Variants in MED8 observed in about 807,000 individuals in gnomAD.
The protein encoded by MED8 is mediator of RNA polymerase II transcription subunit 8.
Under a neutral mutation model 34.8 loss-of-function variants are expected in MED8, and 22 were observed. That is an observed-to-expected ratio of 0.63 (90% CI 0.45 to 0.90). MED8 has a LOEUF of 0.90. MED8 is among the 40% of genes least tolerant of loss of function. MED8 has a pLI of 0.00. For missense variants in MED8, 260 were observed against 326.3 expected (o/e 0.80, Z 1.57); for synonymous variants, 105 against 120.2 (o/e 0.87, Z 0.83).
At position 43,386,843 on chromosome 1, in the gene MED8, G is replaced by A; in HGVS notation, c.411+15C>T. 6.2e-7 allele frequency: 1 copy of A among 1,613,788 alleles called. No homozygotes were observed. The highest frequency in any genetic ancestry group is 8.5e-7 in the Non-Finnish European group (1 of 1,179,774). ...GGGATGGGGATGGGGCAGCAAGGCA[G>A]TGACTCAGTCCAACCTGGGCTGCAT... is the stretch of plus-strand genomic sequence containing the variant. On this transcript the variant is annotated intron_variant, in intron 4 of 6. Coordinates refer to ENST00000372457, the MANE Select transcript of MED8 (RefSeq NM_201542.5). The surrounding 1 kb of genome is among the most constrained non-coding windows in gnomAD (Gnocchi z 4.9).
chr1:43,384,183 C>T lies in MED8; in HGVS notation c.*859G>A, dbSNP rs1159298367. The T allele has an allele frequency of 9.4e-6, 3 of 318,356 alleles. No individual in the cohort carries two copies. The highest frequency in any genetic ancestry group is 6.5e-5 in the African/African-American group (3 of 46,500). The allele number at this position is 318,356 out of a possible 1,614,324, so 19.7% of individuals were successfully genotyped here. Reference sequence around the variant, plus strand: ...TCCTGGCCAAAGTCGAGAAAGTGGGCACCATTATGAGGTCAACTAAACCCT... The same window carrying T: ...TCCTGGCCAAAGTCGAGAAAGTGGGTACCATTATGAGGTCAACTAAACCCT... On this transcript the variant is annotated 3_prime_UTR_variant, in exon 7 of 7. Transcript: ENST00000372457.
intron 6 of MED8, chr1:43,385,655 G>C (rs552083438): frequency 4.4e-5 from 15 of 342,956 alleles, no homozygotes; most frequent in African/African-American, 3.0e-4. Context: ...TCTGACTGCT[G>C]ATTTCTCTAC....
At chr1:43,387,360 G>T in intron 3 of MED8, 143 bp downstream of exon 3, 1 of 1,070,912 alleles carries the variant, frequency 9.3e-7, no homozygotes, top group African/African-American at 1.6e-5. Flanking sequence ...ATTTGGGAGT[G>T]GCTCTCCCGC....
chr1:43,385,258 T>C (rs1177711653), intron 6 of MED8, 152 bp from the exon 7 acceptor site: 3 of 985,938 alleles, frequency 3.0e-6, no homozygotes, highest in African/African-American at 3.3e-5. Flanking sequence ...AGAAGTATGA[T>C]TCTTCACCCA....
Position 43,384,409 on chromosome 1 carries a change from G to T in MED8, c.*633C>A. The stretch of plus-strand genomic sequence containing the variant: ...TGACTATTTGACAGGTAAAAGCCAA[G>T]TTGGCTCCTTAGAGGATGGAAAGGA... On this transcript the variant is annotated 3_prime_UTR_variant, in exon 7 of 7. Transcript: ENST00000372457. 1 of 1,553,356 alleles carries T rather than the reference G, an allele frequency of 6.4e-7. No homozygotes were observed. The highest frequency in any genetic ancestry group is 1.4e-5 in the African/African-American group (1 of 72,732).
At chr1:43,385,660 C>G in intron 6 of MED8, 1 of 349,584 alleles carries the variant, frequency 2.9e-6, no homozygotes, top group Non-Finnish European at 5.3e-6. Context: ...CTGCTGATTT[C>G]TCTACCTAAC....
chr1:43,385,220 C>T (rs1007551520), intron 6 of MED8, 114 bp from the exon 7 acceptor site: 21 of 1,343,032 alleles, frequency 1.6e-5, no homozygotes, highest in Middle Eastern at 1.8e-4. Flanking sequence ...AGAACCTCTG[C>T]GGCATCTGAC....
chr1:43,384,990 TC>T lies in MED8; in HGVS notation c.*51del. 1 of 1,534,864 alleles carries T rather than the reference TC, an allele frequency of 6.5e-7. No individual in the cohort carries two copies. The highest frequency in any genetic ancestry group is 2.2e-5 in the Admixed American group (1 of 45,728). On this transcript the variant is annotated 3_prime_UTR_variant, in exon 7 of 7. Coordinates refer to ENST00000372457, the MANE Select transcript of MED8 (RefSeq NM_201542.5). ...GGTGAGCCTTGAGCAAAAGGTAATTTCACTGCCCAACTCTGCAAAGAGCACC... is the reference window on the plus strand; with the variant it reads ...GGTGAGCCTTGAGCAAAAGGTAATTTACTGCCCAACTCTGCAAAGAGCACC...
At chr1:43,387,247 G>A (rs999637802) in intron 3 of MED8, among the ~76,000 whole-genome samples, 2 of 152,128 alleles carry the variant, frequency 1.3e-5, no homozygotes, top group African/African-American at 2.4e-5. Flanking sequence ...TCAAAGACTG[G>A]AATAGACAAA....
intron 6 of MED8, chr1:43,385,679 C>A (rs372717547): frequency 1.4e-4 from 54 of 394,618 alleles, no homozygotes; most frequent in East Asian, 6.3e-4. Flanking sequence ...ACAAGAGACA[C>A]TGACAACATA....
At chr1:43,387,753 A>G in intron 2 of MED8, 106 bp from the exon 3 acceptor site, 4 of 1,295,354 alleles carry the variant, frequency 3.1e-6, no homozygotes, top group Non-Finnish European at 4.4e-6. Context: ...TTCACCTCCA[A>G]AAGTCTCATA....
Position 43,386,561 on chromosome 1 carries a change from C to G in MED8, c.493+28G>C, listed in dbSNP as rs1175755609. Reference sequence around the variant, plus strand: ...CCAGTGATCTTATATACCTCTCCTTCTCTGTTTAGCCACCAGTCCCATCAT... The same window carrying G: ...CCAGTGATCTTATATACCTCTCCTTGTCTGTTTAGCCACCAGTCCCATCAT... On this transcript the variant is annotated intron_variant, in intron 5 of 6. Coordinates refer to ENST00000372457, the MANE Select transcript of MED8 (RefSeq NM_201542.5). This position sits in a 1 kb window ranked among gnomAD's most constrained non-coding sequence, Gnocchi z 4.9. The G allele has an allele frequency of 1.3e-6, 2 of 1,597,566 alleles. No homozygotes were observed. Among genetic ancestry groups the G allele is most frequent in the Non-Finnish European group, 1.7e-6 (2 of 1,170,468 alleles).
intron 1 of MED8, 115 bp downstream of exon 1, chr1:43,389,644 C>T (rs1647996037): frequency 6.8e-7 from 1 of 1,459,952 alleles, no homozygotes; most frequent in African/African-American, 1.5e-5. Context: ...CCCTTATCAG[C>T]CGTGGGTTCT....
At position 43,384,329 on chromosome 1, in the gene MED8, C is replaced by A; in HGVS notation, c.*713G>T. 7.7e-7 allele frequency: 1 copy of A among 1,300,436 alleles called. No individual in the cohort carries two copies. The highest frequency in any genetic ancestry group is 1.0e-6 in the Non-Finnish European group (1 of 971,360). The allele number at this position is 1,300,436 out of a possible 1,614,324, so 80.6% of individuals were successfully genotyped here. A position where few individuals can be genotyped will look rare whatever the true frequency, so the allele number is the denominator to read the frequency against. On this transcript the variant is annotated 3_prime_UTR_variant, in exon 7 of 7. Transcript: ENST00000372457. ...CCCACATAGTCCTGCCTGGCAGAGC[C>A]ACTTCCTGAGAAAGCCTCGTGTGTA...
rs375294199 is a variant in MED8, at chr1:43,384,876, C to T, written c.*166G>A. 1.4e-5 allele frequency: 19 copies of T among 1,406,968 alleles called. No individual in the cohort carries two copies. The East Asian group carries it at 1.5e-4, about 11-fold the overall frequency. 87.2% of individuals were successfully genotyped at this position (1,406,968 alleles called of 1,614,324 possible). A position where few individuals can be genotyped will look rare whatever the true frequency, so the allele number is the denominator to read the frequency against. ...AGAAACAGGCTCAGAAAAATTAGGT[C>T]ACTTGTCCAAGGTCACACAGCTAGT... On this transcript the variant is annotated 3_prime_UTR_variant, in exon 7 of 7. Transcript: ENST00000372457.
intron 1 of MED8, 76 bp downstream of exon 1, chr1:43,389,683 T>G: frequency 6.3e-7 from 1 of 1,581,070 alleles, no homozygotes; most frequent in Non-Finnish European, 8.6e-7. Flanking sequence ...CAACTCTTCA[T>G]TCTCCTTAGC....
At position 43,384,299 on chromosome 1, in the gene MED8, C is replaced by G; in HGVS notation, c.*743G>C. 2 of 986,080 alleles carry G rather than the reference C, an allele frequency of 2.0e-6. No homozygotes were observed. Among genetic ancestry groups the G allele is most frequent in the Non-Finnish European group, 2.9e-6 (2 of 699,086 alleles). The allele number at this position is 986,080 out of a possible 1,614,324, so 61.1% of individuals were successfully genotyped here. On this transcript the variant is annotated 3_prime_UTR_variant, in exon 7 of 7. Transcript: ENST00000372457. ...GCTTTTTCGTGTGCTAAGGAAAAAC[C>G]CTTTCCCACATAGTCCTGCCTGGCA...
At position 43,386,415 on chromosome 1, in the gene MED8, C is replaced by G; in HGVS notation, c.493+174G>C. The G allele has an allele frequency of 2.9e-6, 3 of 1,037,802 alleles. No homozygotes were observed. The South Asian group carries it at 5.0e-5, about 17-fold the overall frequency. The allele number at this position is 1,037,802 out of a possible 1,614,324, so 64.3% of individuals were successfully genotyped here. A position where few individuals can be genotyped will look rare whatever the true frequency, so the allele number is the denominator to read the frequency against. On this transcript the variant is annotated intron_variant, in intron 5 of 6. Transcript: ENST00000372457. This position sits in a 1 kb window ranked among gnomAD's most constrained non-coding sequence, Gnocchi z 4.9. Reference sequence around the variant, plus strand: ...CAGAATTCTCTCTTCTTACTTTGCCCATTTCCTCCACTGCTTCAGTGCTGG... The same window carrying G: ...CAGAATTCTCTCTTCTTACTTTGCCGATTTCCTCCACTGCTTCAGTGCTGG...
rs767876589 is a variant in MED8, at chr1:43,388,330, G to C, written c.105C>G (p.Asn35Lys). The change falls in exon 2 of 7, where the codon AAC (asparagine) becomes AAG (lysine). Residue 35 changes from asparagine to lysine, a missense_variant. Asn to Lys is a moderately conservative substitution (Grantham distance 94). Coordinates refer to ENST00000372457, the MANE Select transcript of MED8 (RefSeq NM_201542.5). ...SLGSFICKLE[N>K]EYGRLTWPSV... ...CTTACCAGGTCAGCCGGCCATACTC[G>C]TTCTCCAACTTGCAAATGAAACTCC... 6.2e-7 allele frequency: 1 copy of C among 1,613,404 alleles called. No homozygotes were observed. Among genetic ancestry groups the C allele is most frequent in the Non-Finnish European group, 8.5e-7 (1 of 1,179,878 alleles).
Sources: gnomAD v4.1 joint callset for allele counts (sites outside exome capture counted in the v4.1 genomes callset) on GRCh38, gnomAD v4.1.1 for gene constraint, Gnocchi (gnomAD v3.1) non-coding constraint, MANE v1.5 for transcripts, NCBI Gene and HGNC (gene_info 2026-07-23, HGNC 2026-07-21) for gene names.